The following ZBTB24 variants were observed in gnomAD, a reference collection of about 807,000 sequenced individuals.
The protein encoded by ZBTB24 is zinc finger and BTB domain containing 24, also known as zinc finger and BTB domain-containing protein 24.
A neutral mutation model predicts 53.8 loss-of-function variants in ZBTB24; 32 were observed. That is an observed-to-expected ratio of 0.60 (90% CI 0.45 to 0.80). The LOEUF is 0.80. ZBTB24 is among the 30% of genes least tolerant of loss of function. ZBTB24 has a pLI of 0.00. For missense variants in ZBTB24, 722 were observed against 837.1 expected, an observed-to-expected ratio of 0.86 and a Z score of 1.70; for synonymous variants, 297 against 306.7, an observed-to-expected ratio of 0.97 and a Z score of 0.33.
intron 6 of ZBTB24, 108 bp from the exon 7 acceptor site, chr6:109,466,682 A>G: frequency 7.1e-7 from 1 of 1,408,038 alleles, no homozygotes; most frequent in Non-Finnish European, 9.7e-7. Flanking sequence ...CTAGACTGCA[A>G]GTCATAAGTC....
chr6:109,470,463 G>A (rs1181465145), intron 5 of ZBTB24, among the ~76,000 whole-genome samples: 4 of 152,126 alleles, frequency 2.6e-5, no homozygotes, highest in South Asian at 2.1e-4. Context: ...AGATAGGATC[G>A]ATGAGTCACT....
intron 3 of ZBTB24, among the ~76,000 whole-genome samples, 193 bp downstream of exon 3, chr6:109,476,570 C>A (rs1228259780): frequency 6.6e-6 from 1 of 152,222 alleles, no homozygotes; most frequent in Non-Finnish European, 1.5e-5. Context: ...CTCCCAGCAG[C>A]CAGTTTATAA....
At chr6:109,466,934 C>T (rs150233432) in intron 6 of ZBTB24, among the ~76,000 whole-genome samples, 8 of 152,248 alleles carry the variant, frequency 5.3e-5, no homozygotes, top group Non-Finnish European at 1.0e-4. Flanking sequence ...TTTTTAGACT[C>T]TAATGGCCCA....
rs186787117 is a variant in ZBTB24, at chr6:109,474,035, G to A, written c.1288+1364C>T. On this transcript the variant is annotated intron_variant, in intron 5 of 6. Transcript: ENST00000230122. Reference sequence around the variant, plus strand: ...ACCCAGCAGGCAGAGGTTACAGTGAGCCAAGATAGCACCACTGCACAACAG... The same window carrying A: ...ACCCAGCAGGCAGAGGTTACAGTGAACCAAGATAGCACCACTGCACAACAG... Among the ~76,000 whole-genome samples, 9 of 146,724 alleles carry A rather than the reference G, an allele frequency of 6.1e-5. No individual in the cohort carries two copies. In the East Asian group the frequency reaches 1.8e-3, roughly 29 times the overall value.
At chr6:109,477,052 G>A (rs1334269025) in intron 2 of ZBTB24, 122 bp from the exon 3 acceptor site, 16 of 1,335,776 alleles carry the variant, frequency 1.2e-5, no homozygotes, top group Non-Finnish European at 1.7e-5. Flanking sequence ...GGCCAACAAT[G>A]AACACAAGAG....
intron 2 of ZBTB24, among the ~76,000 whole-genome samples, chr6:109,477,560 G>A (rs1776305845): frequency 6.6e-6 from 1 of 152,182 alleles, no homozygotes; most frequent in South Asian, 2.1e-4. Context: ...TGTTTCAAAG[G>A]TGCTTAGACC....
chr6:109,463,077 C>T lies in ZBTB24; in HGVS notation c.*2774G>A, dbSNP rs1775933495. On this transcript the variant is annotated 3_prime_UTR_variant, in exon 7 of 7. Transcript: ENST00000230122. Reference sequence around the variant, plus strand: ...TCTCAGCTCACTGCAGCCTCCGCCTCCTGGGTTCAAGTGATTCTCCTGTCT... The same window carrying T: ...TCTCAGCTCACTGCAGCCTCCGCCTTCTGGGTTCAAGTGATTCTCCTGTCT... 1 of 152,226 alleles carries T rather than the reference C, an allele frequency of 6.6e-6. No individual in the cohort carries two copies. The allele number at this position is 152,226 out of a possible 1,614,324, so 9.4% of individuals were successfully genotyped here.
In ZBTB24 at chr6:109,464,211, CATATAAGAT is replaced by C. The variant is rs1332254438; in HGVS notation, c.*1631_*1639del. 6.6e-6 allele frequency: 1 copy of C among 152,126 alleles called. No individual in the cohort carries two copies. Among genetic ancestry groups the C allele is most frequent in the Non-Finnish European group, 1.5e-5 (1 of 68,012 alleles). The allele number at this position is 152,126 out of a possible 1,614,324, so 9.4% of individuals were successfully genotyped here. On this transcript the variant is annotated 3_prime_UTR_variant, in exon 7 of 7. Coordinates refer to ENST00000230122, the MANE Select transcript of ZBTB24 (RefSeq NM_014797.3). ...TGATTTAACATTAGTTTGGTTGATA[CATATAAGAT>C]ATATATCATTTTGGAAGTTTTGTGA... is the stretch of plus-strand genomic sequence containing the variant.
At chr6:109,479,585 T>A (rs2115364695) in intron 2 of ZBTB24, among the ~76,000 whole-genome samples, 1 of 152,362 alleles carries the variant, frequency 6.6e-6, no homozygotes, top group Non-Finnish European at 1.5e-5. Context: ...AAGTCTTGTA[T>A]AATGATTTAA....
intron 2 of ZBTB24, among the ~76,000 whole-genome samples, chr6:109,478,562 A>G (rs1176213628): frequency 1.3e-5 from 2 of 152,182 alleles, no homozygotes; most frequent in Non-Finnish European, 2.9e-5. Flanking sequence ...TTAGCCAGGC[A>G]TGGTGGTGCG....
chr6:109,465,944 T>G lies in ZBTB24; in HGVS notation c.2001A>C (p.Pro667=), dbSNP rs762591757. ...ELHLATSTSD[P]AQHLQLTQEP... Reference sequence around the variant, plus strand: ...CCTGTGTCAGCTGCAGGTGCTGAGCTGGATCTGAAGTACTTGTAGCTAAAT... The same window carrying G: ...CCTGTGTCAGCTGCAGGTGCTGAGCGGGATCTGAAGTACTTGTAGCTAAAT... Residue 667 remains proline (P), a synonymous_variant, in exon 7 of 7, where the codon CCA becomes CCC. Coordinates refer to ENST00000230122, the MANE Select transcript of ZBTB24 (RefSeq NM_014797.3). 3 of 1,614,222 alleles carry G rather than the reference T, an allele frequency of 1.9e-6. No individual in the cohort carries two copies. Among genetic ancestry groups the G allele is most frequent in the Non-Finnish European group, 1.7e-6 (2 of 1,180,042 alleles).
intron 5 of ZBTB24, among the ~76,000 whole-genome samples, chr6:109,475,043 T>TA (rs5879027): frequency 0.33 from 38,914 of 116,234 alleles, 6,603 homozygotes; most frequent in East Asian, 0.47. Flanking sequence ...CCCTTATCTT[T>TA]AAAAAAAAAA....
At chr6:109,467,513 C>G in intron 6 of ZBTB24, 140 bp downstream of exon 6, 1 of 1,541,920 alleles carries the variant, frequency 6.5e-7, no homozygotes, top group Non-Finnish European at 8.7e-7. Context: ...ACAAACAAAA[C>G]AAAGCCAAAG....
At position 109,476,753 on chromosome 6, in the gene ZBTB24, G is replaced by T; in HGVS notation, c.1120+10C>A. ...CTGGTGAAGCTGGCCCTCTGGGCAAGCCCCACTACCTGAGTGCAGGCTCAT... is the reference window on the plus strand; with the variant it reads ...CTGGTGAAGCTGGCCCTCTGGGCAATCCCCACTACCTGAGTGCAGGCTCAT... On this transcript the variant is annotated intron_variant, in intron 3 of 6. Coordinates refer to ENST00000230122, the MANE Select transcript of ZBTB24 (RefSeq NM_014797.3). 6.2e-7 allele frequency: 1 copy of T among 1,611,898 alleles called. No homozygotes were observed. Among genetic ancestry groups the T allele is most frequent in the Admixed American group, 1.7e-5 (1 of 59,936 alleles).
rs371375944 is a variant in ZBTB24 at position 109,481,400 on chromosome 6, C to T, written c.627G>A (p.Glu209=). The T allele has an allele frequency of 5.6e-6, 9 of 1,614,076 alleles. No homozygotes were observed. Among genetic ancestry groups the T allele is most frequent in the Non-Finnish European group, 6.8e-6 (8 of 1,180,042 alleles). ...CTTCCTTTTCTTTTGCTGCAATTTG[C>T]TCATTCAGTACACCACTGTCTCCTT... The part of the protein sequence containing the change: ...VVKGDSGVLN[E]QIAAKEKEES... The change falls in exon 2 of 7, where the codon GAG becomes GAA. Residue 209 remains glutamate, a synonymous_variant. Transcript: ENST00000230122.
Position 109,475,399 on chromosome 6 carries a change from C to T in ZBTB24, c.1288G>A (p.Gly430Ser). 6.2e-7 allele frequency: 1 copy of T among 1,614,146 alleles called. No individual in the cohort carries two copies. ...GGGGACAGACGAGATGGAGTTTTAC[C>T]TGTGTGTGTTCGCAGATGTTTCTTT... ...QLKKHLRTHT[G>S]EKPFTCEICG... The change falls in exon 5 of 7, where the codon GGT (glycine) becomes AGT (serine). Residue 430 changes from glycine to serine, a missense_variant and splice_region_variant. Coordinates refer to ENST00000230122, the MANE Select transcript of ZBTB24 (RefSeq NM_014797.3).
chr6:109,479,618 T>C (rs536391735), intron 2 of ZBTB24, among the ~76,000 whole-genome samples: 21 of 152,286 alleles, frequency 1.4e-4, no homozygotes, highest in African/African-American at 4.6e-4. Context: ...CACATAAAAT[T>C]TTTGATAAAA....
chr6:109,474,215 T>C (rs1215647664), intron 5 of ZBTB24, among the ~76,000 whole-genome samples: 1 of 152,222 alleles, frequency 6.6e-6, no homozygotes, highest in Admixed American at 6.5e-5. Context: ...AGGCTTATTT[T>C]TAACATACAT....
At chr6:109,482,159 C>T in intron 1 of ZBTB24, 105 bp from the exon 2 acceptor site, 1 of 878,876 alleles carries the variant, frequency 1.1e-6, no homozygotes, top group Non-Finnish European at 1.8e-6. Flanking sequence ...CTGAATTTTA[C>T]CATTACCATT....
Sources: allele counts gnomAD v4.1 joint callset (sites outside exome capture counted in the v4.1 genomes callset), GRCh38; gene constraint gnomAD v4.1.1; transcripts MANE v1.5; gene names NCBI Gene and HGNC (gene_info 2026-07-23, HGNC 2026-07-21).